The following MAP2K4 variants were observed in gnomAD, a reference collection of about 807,000 sequenced individuals.
The protein encoded by MAP2K4 is dual specificity mitogen-activated protein kinase kinase 4.
In MAP2K4, 4 loss-of-function variants were observed where a neutral mutation model predicts 48.5. The observed-to-expected ratio is 0.08, with a 90% confidence interval of 0.04 to 0.19. The LOEUF (loss-of-function observed/expected upper bound fraction) is 0.19, where lower values mean the gene tolerates loss of function less well. Among genes scored for constraint, MAP2K4 ranks in the 10% least tolerant of loss-of-function variants. The pLI is 1.00. For missense variants in MAP2K4, 258 were observed against 493.3 expected, an observed-to-expected ratio of 0.52 and a Z score of 4.52; for synonymous variants, 166 against 173.1, an observed-to-expected ratio of 0.96 and a Z score of 0.32.
intron 7 of MAP2K4, chr17:12,124,992 G>A: frequency 2.9e-6 from 1 of 346,688 alleles, no homozygotes; most frequent in South Asian, 3.4e-5. Context: ...AATTCTTTAT[G>A]TTTTCCAGTT....
chr17:12,039,492 ATTC>A (rs978348122), intron 1 of MAP2K4, among the ~76,000 whole-genome samples: 1 of 152,198 alleles, frequency 6.6e-6, no homozygotes, highest in African/African-American at 2.4e-5. Flanking sequence ...AGCCAATCTT[ATTC>A]TTCTTCCCTC....
intron 3 of MAP2K4, among the ~76,000 whole-genome samples, chr17:12,094,372 C>A (rs550843238): frequency 5.3e-5 from 8 of 152,300 alleles, no homozygotes; most frequent in South Asian, 2.1e-4. Flanking sequence ...TGAAATACAT[C>A]TTCTATATCT....
intron 1 of MAP2K4, among the ~76,000 whole-genome samples, chr17:12,040,765 T>C (rs1969753534): frequency 6.6e-6 from 1 of 152,196 alleles, no homozygotes; most frequent in South Asian, 2.1e-4. Context: ...GATTTAATAA[T>C]AAAAATCTGA....
At position 12,137,781 on chromosome 17, in the gene MAP2K4, CAA is replaced by C. The variant is rs143491348; in HGVS notation, c.1041-2056_1041-2055del. Among the ~76,000 whole-genome samples, 946 of 151,994 alleles carry C rather than the reference CAA, an allele frequency of 6.2e-3. 2 individuals carry two copies. The highest frequency in any genetic ancestry group is 0.036 in the East Asian group (188 of 5,176). ...AAGTCTCTTTATCATGTAGGATAAA[CAA>C]AGGTATAAGCTTAAAGGTAAATTTA... On this transcript the variant is annotated intron_variant, in intron 9 of 10. Transcript: ENST00000353533.
intron 9 of MAP2K4, among the ~76,000 whole-genome samples, chr17:12,136,836 C>G (rs1411693576): frequency 6.6e-6 from 1 of 152,000 alleles, no homozygotes; most frequent in Non-Finnish European, 1.5e-5. Context: ...TGAAAAAATG[C>G]AACAAAAATA....
At chr17:12,103,039 TAAAAAAA>T (rs555398450) in intron 4 of MAP2K4, among the ~76,000 whole-genome samples, 2 of 126,416 alleles carry the variant, frequency 1.6e-5, no homozygotes, top group Non-Finnish European at 3.4e-5. Flanking sequence ...TTCTTATCTT[TAAAAAAA>T]AAAAAAAAAA....
intron 7 of MAP2K4, 142 bp downstream of exon 7, chr17:12,113,502 A>G: frequency 1.1e-6 from 1 of 938,234 alleles, no homozygotes; most frequent in East Asian, 2.6e-5. Context: ...CTCAGGTCCT[A>G]GCCTCTCCAT....
In MAP2K4 at chr17:12,105,542, T is replaced by A. The variant is rs145826802; in HGVS notation, c.514-2248T>A. Among the ~76,000 whole-genome samples the A allele has an allele frequency of 5.2e-3, 792 of 152,198 alleles. 7 individuals are homozygous for A. The highest frequency in any genetic ancestry group is 0.018 in the African/African-American group (758 of 41,536). ...GTTGAGTTGTTCATCATTCTCCAGC[T>A]TTTTTTCCCCCAATAAACCCACATT... On this transcript the variant is annotated intron_variant, in intron 4 of 10. Coordinates refer to ENST00000353533, the MANE Select transcript of MAP2K4 (RefSeq NM_003010.4).
At chr17:12,129,395 C>A in intron 9 of MAP2K4, 108 bp downstream of exon 9, 1 of 1,275,302 alleles carries the variant, frequency 7.8e-7, no homozygotes, top group South Asian at 1.3e-5. Flanking sequence ...CCCTTGGTCA[C>A]ATCACCCTAC....
intron 2 of MAP2K4, among the ~76,000 whole-genome samples, chr17:12,069,345 A>G (rs1970713646): frequency 6.6e-6 from 1 of 152,216 alleles, no homozygotes; most frequent in South Asian, 2.1e-4. Flanking sequence ...AGCATAGCCC[A>G]GAAAAACTGT....
chr17:12,056,903 TTA>T (rs1199014394), intron 2 of MAP2K4, among the ~76,000 whole-genome samples: 2 of 152,126 alleles, frequency 1.3e-5, no homozygotes, highest in African/African-American at 2.4e-5. Context: ...CTCTTAACAT[TTA>T]TATGTTTTTT....
chr17:12,050,647 C>T (rs1020440946), intron 1 of MAP2K4, among the ~76,000 whole-genome samples: 2 of 152,160 alleles, frequency 1.3e-5, no homozygotes, highest in African/African-American at 4.8e-5. Context: ...TCGAAGCAAA[C>T]TATATGCTCA....
At chr17:12,100,533 A>G (rs1971905324) in intron 4 of MAP2K4, among the ~76,000 whole-genome samples, 1 of 152,156 alleles carries the variant, frequency 6.6e-6, no homozygotes, top group South Asian at 2.1e-4. Context: ...GCATTTATGT[A>G]CAATTGTTTG....
chr17:12,085,212 A>C (rs1459123251), intron 3 of MAP2K4, among the ~76,000 whole-genome samples: 1 of 152,136 alleles, frequency 6.6e-6, no homozygotes, highest in Non-Finnish European at 1.5e-5. Flanking sequence ...AATGAGAGGG[A>C]GTATAAGGAC....
rs767565017 is a variant in MAP2K4, at chr17:12,125,274, C to A, written c.814-20C>A. ...TGAGTGTAAGGCAATTAATAACTTA[C>A]ACTTGTCTTTATGTTCCAGCCTGAA... On this transcript the variant is annotated intron_variant, in intron 7 of 10. Coordinates refer to ENST00000353533, the MANE Select transcript of MAP2K4 (RefSeq NM_003010.4). 1.3e-6 allele frequency: 2 copies of A among 1,598,938 alleles called. No homozygotes were observed. Among genetic ancestry groups the A allele is most frequent in the Non-Finnish European group, 1.7e-6 (2 of 1,166,226 alleles).
chr17:12,139,467 T>C (rs545255630), intron 9 of MAP2K4, among the ~76,000 whole-genome samples: 2 of 152,322 alleles, frequency 1.3e-5, no homozygotes, highest in South Asian at 4.1e-4. Flanking sequence ...TGCATAAATA[T>C]CTGTCTACTT....
At chr17:12,038,846 T>C (rs1023353495) in intron 1 of MAP2K4, among the ~76,000 whole-genome samples, 2 of 152,152 alleles carry the variant, frequency 1.3e-5, no homozygotes, top group Non-Finnish European at 2.9e-5. Context: ...CTGGTCACAG[T>C]TTACACGTTG....
At chr17:12,041,559 A>T (rs936884417) in intron 1 of MAP2K4, among the ~76,000 whole-genome samples, 4 of 152,214 alleles carry the variant, frequency 2.6e-5, no homozygotes, top group East Asian at 1.9e-4. Context: ...TTTTTGTGTC[A>T]TGAAATTCTA....
chr17:12,052,806 G>T (rs1207335755), intron 1 of MAP2K4, among the ~76,000 whole-genome samples: 2 of 152,024 alleles, frequency 1.3e-5, no homozygotes, highest in East Asian at 1.9e-4. Flanking sequence ...CCATATTAAG[G>T]TAATTAATAG....
Sources: gnomAD v4.1 joint callset for allele counts (sites outside exome capture counted in the v4.1 genomes callset) on GRCh38, gnomAD v4.1.1 for gene constraint, MANE v1.5 for transcripts, NCBI Gene and HGNC (gene_info 2026-07-23, HGNC 2026-07-21) for gene names.